Variants in CR1L observed in about 807,000 individuals in gnomAD.
CR1L encodes the protein complement component receptor 1-like protein.
A neutral mutation model predicts 62.3 loss-of-function variants in CR1L; 59 were observed. The ratio of observed to expected loss-of-function variants is 0.95; its 90% CI spans 0.77 to 1.18. The LOEUF (loss-of-function observed/expected upper bound fraction) is 1.18. CR1L is among the 50% of genes most tolerant of loss of function. CR1L has a pLI of 0.00. For missense variants in CR1L, 700 were observed against 702.8 expected, an observed-to-expected ratio of 1.00 and a Z score of 0.04; for synonymous variants, 279 against 248.7, an observed-to-expected ratio of 1.12 and a Z score of -1.15.
At chr1:207,676,605 C>T (rs1159303722) in intron 1 of CR1L, among the ~76,000 whole-genome samples, 1 of 152,138 alleles carries the variant, frequency 6.6e-6, no homozygotes, top group Non-Finnish European at 1.5e-5. Flanking sequence ...GTCTCAGGTG[C>T]CAAAAAGATT....
chr1:207,706,188 A>G (rs1028261452), intron 9 of CR1L, among the ~76,000 whole-genome samples: 1 of 151,964 alleles, frequency 6.6e-6, no homozygotes, highest in Non-Finnish European at 1.5e-5. Flanking sequence ...GAGAGGCCGA[A>G]GCAAGAGAAT....
chr1:207,707,198 A>G (rs1664280655), intron 9 of CR1L, among the ~76,000 whole-genome samples: 1 of 152,244 alleles, frequency 6.6e-6, no homozygotes. Context: ...GAGGGAAGGA[A>G]AAAGAATAGC....
At chr1:207,690,043 A>T (rs1397087618) in intron 4 of CR1L, among the ~76,000 whole-genome samples, 1 of 151,988 alleles carries the variant, frequency 6.6e-6, no homozygotes, top group Non-Finnish European at 1.5e-5. Flanking sequence ...AAGTTTACTA[A>T]GCTTTTCATA....
At chr1:207,690,592 T>C (rs1269834364) in intron 4 of CR1L, among the ~76,000 whole-genome samples, 3 of 152,344 alleles carry the variant, frequency 2.0e-5, no homozygotes, top group Non-Finnish European at 4.4e-5. Context: ...TGGAGAAGCA[T>C]GTGTAAAATA....
intron 4 of CR1L, among the ~76,000 whole-genome samples, chr1:207,693,694 G>A (rs1361121670): frequency 6.6e-6 from 1 of 151,642 alleles, no homozygotes; most frequent in East Asian, 1.9e-4. Context: ...CTTGTGTGTT[G>A]TGAAATATTG....
At chr1:207,655,017 A>G (rs1160409740) in intron 1 of CR1L, among the ~76,000 whole-genome samples, 3 of 152,234 alleles carry the variant, frequency 2.0e-5, no homozygotes, top group Non-Finnish European at 4.4e-5. Context: ...GAAACTCTTT[A>G]TTTGATTAAA....
chr1:207,656,093 C>G (rs2102442341), intron 1 of CR1L, among the ~76,000 whole-genome samples: 1 of 152,240 alleles, frequency 6.6e-6, no homozygotes. Flanking sequence ...AAAAAATTAG[C>G]CAGGCGTGGT....
chr1:207,669,599 G>T, intron 1 of CR1L: 1 of 1,269,262 alleles, frequency 7.9e-7, no homozygotes, highest in Non-Finnish European at 1.1e-6. Flanking sequence ...AGGCGCCCGG[G>T]CTGACGAGGC....
rs577982838 is a variant in CR1L, at chr1:207,667,904, G to A, written c.98-9485G>A. Among the ~76,000 whole-genome samples, 48 of 151,070 alleles carry A rather than the reference G, an allele frequency of 3.2e-4. 4 individuals carry two copies. The highest frequency in any genetic ancestry group is 1.2e-3 in the South Asian group (6 of 4,812). The stretch of plus-strand genomic sequence containing the variant: ...AAAAGAAGACATAGAAATGGCCAAC[G>A]AATATAAAACAAAATGCTCAACATT... On this transcript the variant is annotated intron_variant, in intron 1 of 11. Coordinates refer to ENST00000508064, the MANE Select transcript of CR1L (RefSeq NM_175710.2).
chr1:207,659,736 C>T (rs1663377377), intron 1 of CR1L, among the ~76,000 whole-genome samples: 2 of 152,226 alleles, frequency 1.3e-5, no homozygotes, highest in East Asian at 1.9e-4. Flanking sequence ...GGTCAGGGGA[C>T]TTCCCTTTCC....
intron 10 of CR1L, 103 bp downstream of exon 10, chr1:207,708,366 T>G: frequency 7.0e-7 from 1 of 1,432,228 alleles, no homozygotes; most frequent in African/African-American, 1.4e-5. Context: ...AATGGTATCC[T>G]TCTGATATTT....
chr1:207,686,096 TTTCCTTCCTTCC>T (rs1663900773), intron 4 of CR1L, among the ~76,000 whole-genome samples: 1 of 6,520 alleles, frequency 1.5e-4, no homozygotes, highest in Non-Finnish European at 3.2e-4. Flanking sequence ...TCCTCCCTCC[TTTCCTTCCTTCC>T]TCCCTCCCTC....
chr1:207,645,508 C>T (rs868791707), intron 1 of CR1L, among the ~76,000 whole-genome samples, 178 bp downstream of exon 1: 1 of 152,292 alleles, frequency 6.6e-6, no homozygotes, highest in Admixed American at 6.5e-5. Flanking sequence ...GCGGGGGATG[C>T]GGGAACCACG....
intron 1 of CR1L, among the ~76,000 whole-genome samples, chr1:207,672,713 A>G (rs1663631536): frequency 6.6e-6 from 1 of 152,160 alleles, no homozygotes; most frequent in Non-Finnish European, 1.5e-5. Context: ...AACATAGGGT[A>G]GACTCTGGCG....
chr1:207,651,995 C>T lies in CR1L; in HGVS notation c.97+6665C>T, dbSNP rs185108787. ...TCATATTTATTTTAATCTATGAAATCCACTACATTTACTTAATAATCACCT... is the reference window on the plus strand; with the variant it reads ...TCATATTTATTTTAATCTATGAAATTCACTACATTTACTTAATAATCACCT... On this transcript the variant is annotated intron_variant, in intron 1 of 11. Transcript: ENST00000508064. 6.0e-4 allele frequency among the ~76,000 whole-genome samples: 92 copies of T among 152,286 alleles called. 1 individual carries two copies. The East Asian group carries it at 0.014, about 23-fold the overall frequency.
intron 1 of CR1L, among the ~76,000 whole-genome samples, chr1:207,650,673 G>A (rs1441893886): frequency 6.6e-6 from 1 of 152,166 alleles, no homozygotes; most frequent in Non-Finnish European, 1.5e-5. Flanking sequence ...CAAATACCAT[G>A]AATTTCTGGT....
Position 207,697,663 on chromosome 1 carries a change from A to G in CR1L, c.1023A>G (p.Ala341=), listed in dbSNP as rs1664125373. ...CACCCCAGGGAGACTGGAGCCCTGC[A>G]GCCCCCAGATGTGAAGGTGACTAGA... The part of the protein sequence containing the change: ...HCTPQGDWSP[A]APRCEVKSCD... Residue 341 remains alanine (A), a synonymous_variant, in exon 6 of 12, where the codon GCA becomes GCG. Transcript: ENST00000508064. 1 of 1,613,992 alleles carries G rather than the reference A, an allele frequency of 6.2e-7. No individual in the cohort carries two copies. Among genetic ancestry groups the G allele is most frequent in the South Asian group, 1.1e-5 (1 of 91,080 alleles).
chr1:207,710,756 G>A, intron 10 of CR1L: 1 of 1,608,310 alleles, frequency 6.2e-7, no homozygotes, highest in African/African-American at 1.3e-5. Context: ...TGAACAAATG[G>A]GAGCCGGAGC....
rs144446205 is a variant in CR1L, at chr1:207,694,425, A to G, written c.536A>G (p.Tyr179Cys). ...FTSISREYFH[Y>C]GSVVTYHCNL... ...AGCATCAGCAGAGAGTATTTTCACT[A>G]TGGATCAGTGGTGACCTACCACTGC... is the stretch of plus-strand genomic sequence containing the variant. Residue 179 changes from tyrosine (Y) to cysteine (C), a missense_variant, in exon 5 of 12, where the codon TAT (tyrosine) becomes TGT (cysteine). Coordinates refer to ENST00000508064, the MANE Select transcript of CR1L (RefSeq NM_175710.2). The G allele has an allele frequency of 1.1e-3, 1,783 of 1,613,982 alleles. 20 individuals are homozygous for G. The African/African-American group carries it at 0.02, about 18-fold the overall frequency.
Sources: allele counts gnomAD v4.1 joint callset (sites outside exome capture counted in the v4.1 genomes callset), GRCh38; gene constraint gnomAD v4.1.1; transcripts MANE v1.5; gene names NCBI Gene and HGNC (gene_info 2026-07-23, HGNC 2026-07-21).